The following SRPK2 variants were observed in gnomAD, a reference collection of about 807,000 sequenced individuals.
SRPK2 encodes the protein SFRS protein kinase 2.
SRPK2 carries 21 observed loss-of-function variants against 90.8 expected under a neutral mutation model. The ratio of observed to expected loss-of-function variants is 0.23; its 90% CI spans 0.16 to 0.33. The LOEUF (loss-of-function observed/expected upper bound fraction) is 0.33, where lower values mean the gene tolerates loss of function less well. Among genes scored for constraint, SRPK2 ranks in the 10% least tolerant of loss-of-function variants. The probability of loss-of-function intolerance (pLI) is 1.00; values close to 1 mark genes in which losing one functional copy is unlikely to be tolerated. For synonymous variants in SRPK2, 288 were observed against 311.1 expected (o/e 0.93, Z 0.78); for missense variants, 620 against 869.0 (o/e 0.71, Z 3.60).
intron 2 of SRPK2, among the ~76,000 whole-genome samples, chr7:105,233,071 G>GAAGGAAGGA (rs1799660007): frequency 7.1e-6 from 1 of 140,120 alleles, no homozygotes; most frequent in Non-Finnish European, 1.6e-5. Flanking sequence ...AGCAAGGAAG[G>GAAGGAAGGA]AAGGAAGGAA....
chr7:105,143,520 G>T (rs1804104728), intron 9 of SRPK2, 190 bp from the exon 10 acceptor site: 3 of 686,856 alleles, frequency 4.4e-6, no homozygotes, highest in African/African-American at 1.8e-5. Context: ...AGTGCTGACT[G>T]ATATCACGTA....
rs565708738 is a variant in SRPK2, at chr7:105,234,702, C to T, written c.72-30917G>A. Among the ~76,000 whole-genome samples the T allele has an allele frequency of 2.0e-5, 3 of 152,046 alleles. No homozygotes were observed. In the East Asian group the frequency reaches 5.8e-4, roughly 29 times the overall value. On this transcript the variant is annotated intron_variant, in intron 2 of 15. Coordinates refer to ENST00000393651, the MANE Select transcript of SRPK2 (RefSeq NM_182692.3). ...CGTTGGAGAGGCAGCCTTAAAATAA[C>T]TTACACATTAGAAGAAGAAAAGCAG...
intron 2 of SRPK2, among the ~76,000 whole-genome samples, chr7:105,240,841 G>A (rs1800720506): frequency 6.6e-6 from 1 of 152,110 alleles, no homozygotes; most frequent in African/African-American, 2.4e-5. Flanking sequence ...TACTCGTCCA[G>A]TATGTACTGA....
Position 105,177,116 on chromosome 7 carries a change from A to ACTTTAATAATT in SRPK2, c.230-7852_230-7851insAATTATTAAAG, listed in dbSNP as rs1183706569. Reference sequence around the variant, plus strand: ...CAAAAAGTACCTGGTAATTGTCAGGAAAGTGATTAAATCAGGAAAAAAAAA... The same window carrying ACTTTAATAATT: ...CAAAAAGTACCTGGTAATTGTCAGGACTTTAATAATTAAGTGATTAAATCAGGAAAAAAAAA... On this transcript the variant is annotated intron_variant, in intron 3 of 15. Coordinates refer to ENST00000393651, the MANE Select transcript of SRPK2 (RefSeq NM_182692.3). Among the ~76,000 whole-genome samples, 47 of 152,308 alleles carry ACTTTAATAATT rather than the reference A, an allele frequency of 3.1e-4. No individual in the cohort carries two copies. In the East Asian group the frequency reaches 8.9e-3, roughly 29 times the overall value.
At chr7:105,369,489 G>A (rs1819468364) in intron 2 of SRPK2, among the ~76,000 whole-genome samples, 1 of 152,022 alleles carries the variant, frequency 6.6e-6, no homozygotes, top group South Asian at 2.1e-4. Flanking sequence ...CTACTACAAA[G>A]TAAGGCTGAA....
In SRPK2 at chr7:105,366,585, G is replaced by A. The variant is rs146606918; in HGVS notation, c.71+22063C>T. On this transcript the variant is annotated intron_variant, in intron 2 of 15. Coordinates refer to ENST00000393651, the MANE Select transcript of SRPK2 (RefSeq NM_182692.3). ...GAGTTTCACCATATTGGGCCAGGCT[G>A]ATCTCAAACTCCTGACCTCGTGATC... 8.7e-4 allele frequency among the ~76,000 whole-genome samples: 131 copies of A among 151,062 alleles called. 1 individual carries two copies. In the East Asian group the frequency reaches 0.02, roughly 23 times the overall value.
At chr7:105,313,652 G>A (rs981211550) in intron 2 of SRPK2, among the ~76,000 whole-genome samples, 5 of 152,014 alleles carry the variant, frequency 3.3e-5, no homozygotes, top group African/African-American at 9.7e-5. Context: ...TTGGGAGGCT[G>A]AGGGAGGAGA....
At chr7:105,362,516 CAA>C (rs1204929885) in intron 2 of SRPK2, among the ~76,000 whole-genome samples, 17 of 58,042 alleles carry the variant, frequency 2.9e-4, no homozygotes, top group Admixed American at 3.9e-4. Flanking sequence ...GACTCTGTCT[CAA>C]AAAAAAAAAA....
At chr7:105,164,671 A>T (rs573367177) in intron 6 of SRPK2, among the ~76,000 whole-genome samples, 109 of 152,310 alleles carry the variant, frequency 7.2e-4, no homozygotes, top group African/African-American at 2.5e-3. Flanking sequence ...TTTTTCTATG[A>T]ACATGGTGAC....
intron 2 of SRPK2, among the ~76,000 whole-genome samples, chr7:105,287,999 T>C (rs915005571): frequency 6.6e-6 from 1 of 152,150 alleles, no homozygotes; most frequent in African/African-American, 2.4e-5. Context: ...ATAAATAGCC[T>C]CCAAAATGCC....
intron 2 of SRPK2, among the ~76,000 whole-genome samples, chr7:105,329,956 A>C (rs926405842): frequency 6.6e-6 from 1 of 152,088 alleles, no homozygotes; most frequent in Non-Finnish European, 1.5e-5. Flanking sequence ...AATCGCTTGA[A>C]CACAGGAGGC....
At chr7:105,150,749 T>G (rs562053219) in intron 7 of SRPK2, among the ~76,000 whole-genome samples, 2 of 152,214 alleles carry the variant, frequency 1.3e-5, no homozygotes, top group African/African-American at 2.4e-5. Context: ...AATTAATGGA[T>G]AGGCACATTG....
intron 2 of SRPK2, among the ~76,000 whole-genome samples, chr7:105,366,797 G>T (rs1173751710): frequency 6.6e-6 from 1 of 152,170 alleles, no homozygotes; most frequent in Non-Finnish European, 1.5e-5. Flanking sequence ...ATGGCTTCAT[G>T]AATTTCCTTT....
chr7:105,225,943 A>G (rs1366431845), intron 2 of SRPK2, among the ~76,000 whole-genome samples: 1 of 152,232 alleles, frequency 6.6e-6, no homozygotes, highest in African/African-American at 2.4e-5. Flanking sequence ...ACTGCTCAAC[A>G]GCCACATGCG....
At chr7:105,186,891 T>C (rs753815212) in intron 3 of SRPK2, among the ~76,000 whole-genome samples, 2 of 152,146 alleles carry the variant, frequency 1.3e-5, no homozygotes, top group Non-Finnish European at 2.9e-5. Flanking sequence ...AGGGCATGGA[T>C]AGGTGCTCCA....
chr7:105,212,828 T>C (rs1267700772), intron 2 of SRPK2, among the ~76,000 whole-genome samples: 1 of 152,222 alleles, frequency 6.6e-6, no homozygotes, highest in East Asian at 1.9e-4. Flanking sequence ...GCATTCCGCA[T>C]CCATGGATTC....
chr7:105,266,206 T>C (rs1039335185), intron 2 of SRPK2, among the ~76,000 whole-genome samples: 29 of 152,144 alleles, frequency 1.9e-4, no homozygotes, highest in African/African-American at 6.0e-4. Flanking sequence ...ATGTATATTT[T>C]TCAGTGAAGG....
intron 2 of SRPK2, among the ~76,000 whole-genome samples, chr7:105,346,472 A>G (rs1247924684): frequency 6.6e-6 from 1 of 152,024 alleles, no homozygotes; most frequent in Non-Finnish European, 1.5e-5. Flanking sequence ...AAAGCAACAC[A>G]AGGCCAGGTG....
chr7:105,366,964 C>A (rs907500873), intron 2 of SRPK2, among the ~76,000 whole-genome samples: 6 of 152,262 alleles, frequency 3.9e-5, no homozygotes, highest in South Asian at 4.1e-4. Context: ...TCCAGTATCA[C>A]TAGTGTCACT....
Sources: gnomAD v4.1 joint callset for allele counts (sites outside exome capture counted in the v4.1 genomes callset) on GRCh38, gnomAD v4.1.1 for gene constraint, MANE v1.5 for transcripts, NCBI Gene and HGNC (gene_info 2026-07-23, HGNC 2026-07-21) for gene names.